The following CGGBP1 variants were observed in gnomAD, a reference collection of about 807,000 sequenced individuals.
CGGBP1 encodes the protein CGG triplet repeat-binding protein 1.
A neutral mutation model predicts 11.4 loss-of-function variants in CGGBP1; 4 were observed. That is an observed-to-expected ratio of 0.35 (90% CI 0.17 to 0.80). The LOEUF is 0.80. CGGBP1 is among the 30% of genes least tolerant of loss of function. The pLI is 0.52. For synonymous variants in CGGBP1, 76 were observed against 74.1 expected (o/e 1.03, Z -0.13); for missense variants, 135 against 202.1 (o/e 0.67, Z 2.01).
chr3:88,090,657 C>T (rs1479033895), intron 2 of CGGBP1, among the ~76,000 whole-genome samples: 1 of 152,126 alleles, frequency 6.6e-6, no homozygotes, highest in Non-Finnish European at 1.5e-5. Flanking sequence ...TCTTTACATT[C>T]ATTCACCATT....
chr3:88,116,939 G>A (rs1160617936), intron 2 of CGGBP1, among the ~76,000 whole-genome samples: 2 of 152,072 alleles, frequency 1.3e-5, no homozygotes, highest in Non-Finnish European at 2.9e-5. Flanking sequence ...GACTAAAGAG[G>A]ATAAATACCT....
At chr3:88,137,194 CAAAAAA>C (rs11401199) in intron 2 of CGGBP1, among the ~76,000 whole-genome samples, 1 of 70,724 alleles carries the variant, frequency 1.4e-5, no homozygotes, top group East Asian at 4.8e-4. Context: ...GACTCTGTCT[CAAAAAA>C]AAAAAAAAAA....
intron 1 of CGGBP1, chr3:88,142,786 T>G (rs1449063839): frequency 6.6e-6 from 1 of 152,286 alleles, no homozygotes; most frequent in African/African-American, 2.4e-5. Context: ...AAAGGAAGTA[T>G]TTACACAAAA....
At chr3:88,131,619 T>C (rs1706469948) in intron 2 of CGGBP1, among the ~76,000 whole-genome samples, 1 of 152,134 alleles carries the variant, frequency 6.6e-6, no homozygotes, top group African/African-American at 2.4e-5. Context: ...ATGCCTGTCT[T>C]CTGGCTCCTG....
chr3:88,059,988 C>G (rs753343716), upstream of CGGBP1, among the ~76,000 whole-genome samples: 10 of 152,026 alleles, frequency 6.6e-5, no homozygotes, highest in East Asian at 1.5e-3. Context: ...ACTGTTCCCC[C>G]TCTTCTAGGG....
intron 2 of CGGBP1, among the ~76,000 whole-genome samples, chr3:88,069,158 AC>A (rs1707365748): frequency 6.6e-6 from 1 of 152,108 alleles, no homozygotes; most frequent in Non-Finnish European, 1.5e-5. Flanking sequence ...GCCGTGGCTT[AC>A]ACCTGTAATC....
At chr3:88,107,170 T>C (rs1446141382) in intron 2 of CGGBP1, among the ~76,000 whole-genome samples, 1 of 152,220 alleles carries the variant, frequency 6.6e-6, no homozygotes, top group Non-Finnish European at 1.5e-5. Flanking sequence ...TCTTAACTTA[T>C]TGAGGTATAC....
At chr3:88,069,079 GA>G (rs1404778704) in intron 2 of CGGBP1, among the ~76,000 whole-genome samples, 1 of 152,118 alleles carries the variant, frequency 6.6e-6, no homozygotes, top group Non-Finnish European at 1.5e-5. Flanking sequence ...TCATAAATGT[GA>G]AACAGAAGAA....
At chr3:88,101,563 ATATAT>A (rs1179597589) in intron 2 of CGGBP1, among the ~76,000 whole-genome samples, 4 of 152,110 alleles carry the variant, frequency 2.6e-5, no homozygotes, top group Admixed American at 6.6e-5. Flanking sequence ...CAGTATATGG[ATATAT>A]TATATTTTAT....
intron 2 of CGGBP1, among the ~76,000 whole-genome samples, chr3:88,102,517 G>A (rs1180658211): frequency 6.6e-6 from 1 of 152,026 alleles, no homozygotes; most frequent in Non-Finnish European, 1.5e-5. Flanking sequence ...GTCTTTTTGT[G>A]TCTTCCATTT....
chr3:88,091,763 T>A (rs1708642061), intron 2 of CGGBP1, among the ~76,000 whole-genome samples: 1 of 152,168 alleles, frequency 6.6e-6, no homozygotes, highest in Non-Finnish European at 1.5e-5. Flanking sequence ...AAAGGGCAGT[T>A]CCCCTGCACA....
At chr3:88,146,566 C>A (rs1223866312) in intron 1 of CGGBP1, among the ~76,000 whole-genome samples, 1 of 152,112 alleles carries the variant, frequency 6.6e-6, no homozygotes, top group Non-Finnish European at 1.5e-5. Context: ...CTAGTTTTAT[C>A]GTTGTGGAGA....
At chr3:88,070,060 C>T (rs1425682562) in intron 2 of CGGBP1, among the ~76,000 whole-genome samples, 1 of 152,182 alleles carries the variant, frequency 6.6e-6, no homozygotes, top group African/African-American at 2.4e-5. Flanking sequence ...ATTCCATGCT[C>T]ATGAGAGTAT....
intron 2 of CGGBP1, among the ~76,000 whole-genome samples, chr3:88,128,098 C>T (rs1706226102): frequency 6.6e-6 from 1 of 152,044 alleles, no homozygotes; most frequent in Non-Finnish European, 1.5e-5. Flanking sequence ...GTCATTTGAC[C>T]TCTCTGAGAC....
At chr3:88,086,348 C>A in intron 2 of CGGBP1, 2 of 1,535,566 alleles carry the variant, frequency 1.3e-6, no homozygotes, top group Non-Finnish European at 1.7e-6. Flanking sequence ...ACAGCCAGTG[C>A]ATCATTCCCA....
chr3:88,146,883 T>G (rs996398221), intron 1 of CGGBP1, among the ~76,000 whole-genome samples: 10 of 152,128 alleles, frequency 6.6e-5, no homozygotes, highest in Non-Finnish European at 1.3e-4. Context: ...ACCAAAACCT[T>G]GTAATCATCC....
chr3:88,135,107 T>C (rs755947703), intron 2 of CGGBP1: 6 of 1,481,252 alleles, frequency 4.1e-6, no homozygotes, highest in Non-Finnish European at 5.3e-6. Context: ...ATCTAATCCT[T>C]CAAAACAAGT....
intron 2 of CGGBP1, among the ~76,000 whole-genome samples, chr3:88,122,455 C>G (rs61296869): frequency 6.6e-6 from 1 of 152,092 alleles, no homozygotes; most frequent in Non-Finnish European, 1.5e-5. Flanking sequence ...GTTGTAGGTG[C>G]CTTCTCTAAA....
intron 2 of CGGBP1, among the ~76,000 whole-genome samples, chr3:88,127,353 A>G (rs1706172176): frequency 6.6e-6 from 1 of 152,074 alleles, no homozygotes; most frequent in South Asian, 2.1e-4. Context: ...CAAGACTAGG[A>G]GGATAGGGCT....
Sources: gnomAD v4.1 joint callset for allele counts (sites outside exome capture counted in the v4.1 genomes callset) on GRCh38, gnomAD v4.1.1 for gene constraint, MANE v1.5 for transcripts, NCBI Gene and HGNC (gene_info 2026-07-23, HGNC 2026-07-21) for gene names.